HUNK: variants seen among roughly 807,000 people sequenced by gnomAD.
HUNK encodes hormonally up-regulated Neu-associated kinase.
In HUNK, 21 loss-of-function variants were observed where a neutral mutation model predicts 61.0. That is an observed-to-expected ratio of 0.34 (90% confidence interval 0.24 to 0.50). HUNK has a LOEUF of 0.50. HUNK is among the 20% of genes least tolerant of loss of function. HUNK has a pLI of 0.98. For missense variants in HUNK, 772 were observed against 945.7 expected (o/e 0.82, Z 2.41); for synonymous variants, 371 against 386.1 (o/e 0.96, Z 0.46).
chr21:31,911,339 C>T (rs936191699), intron 1 of HUNK, among the ~76,000 whole-genome samples: 2 of 152,114 alleles, frequency 1.3e-5, no homozygotes, highest in African/African-American at 4.8e-5. Context: ...GGGTTGTGAG[C>T]TCCAGATGAT....
In HUNK at chr21:31,959,042, A is replaced by G. The variant is rs1247499582; in HGVS notation, c.874+72A>G. 11 of 1,395,334 alleles carry G rather than the reference A, an allele frequency of 7.9e-6. No homozygotes were observed. In the African/African-American group the frequency reaches 1.0e-4, roughly 13 times the overall value. 86.4% of individuals were successfully genotyped at this position (1,395,334 alleles called of 1,614,324 possible). On this transcript the variant is annotated intron_variant, in intron 5 of 10. Coordinates refer to ENST00000270112, the MANE Select transcript of HUNK (RefSeq NM_014586.2). ...ACCAGTTCGGGTCTACCTGTGAAAC[A>G]GTATTTGTTTTGCAGTAATGGTGTT...
At chr21:31,937,968 T>TC (rs1460482877) in intron 2 of HUNK, among the ~76,000 whole-genome samples, 3 of 152,194 alleles carry the variant, frequency 2.0e-5, no homozygotes, top group Non-Finnish European at 2.9e-5. Flanking sequence ...TAATTCTTCT[T>TC]CCCATTGGTG....
intron 1 of HUNK, among the ~76,000 whole-genome samples, chr21:31,908,562 A>G (rs1479156311): frequency 2.0e-5 from 3 of 152,074 alleles, no homozygotes; most frequent in Non-Finnish European, 4.4e-5. Context: ...ACGGTTGTGA[A>G]TGTGTGACTT....
At chr21:31,954,199 TC>T (rs2052871913) in intron 4 of HUNK, among the ~76,000 whole-genome samples, 1 of 152,130 alleles carries the variant, frequency 6.6e-6, no homozygotes, top group Non-Finnish European at 1.5e-5. Flanking sequence ...ATGTCCTACT[TC>T]CTAGAGGCAT....
chr21:31,964,743 G>A (rs998296256), intron 5 of HUNK, among the ~76,000 whole-genome samples: 1 of 152,220 alleles, frequency 6.6e-6, no homozygotes, highest in Non-Finnish European at 1.5e-5. Context: ...ACGTCCAAAG[G>A]AAGAAAATTC....
intron 7 of HUNK, among the ~76,000 whole-genome samples, chr21:31,975,304 C>T (rs2053041000): frequency 6.6e-6 from 1 of 152,198 alleles, no homozygotes; most frequent in African/African-American, 2.4e-5. Context: ...GGGACCCTGA[C>T]ACCCTGTCCC....
intron 1 of HUNK, among the ~76,000 whole-genome samples, chr21:31,891,214 T>G (rs2052385507): frequency 6.6e-6 from 1 of 152,180 alleles, no homozygotes; most frequent in African/African-American, 2.4e-5. Context: ...CTGTCTCTAC[T>G]AAAAATACAA....
At chr21:31,886,422 T>TAAA (rs1568916472) in intron 1 of HUNK, among the ~76,000 whole-genome samples, 1 of 75,624 alleles carries the variant, frequency 1.3e-5, no homozygotes. Flanking sequence ...TGAGACTGTC[T>TAAA]CAAAAAAAAA....
chr21:31,977,180 C>T (rs2053056346), intron 7 of HUNK, among the ~76,000 whole-genome samples: 1 of 152,180 alleles, frequency 6.6e-6, no homozygotes, highest in Admixed American at 6.5e-5. Context: ...TACAATGTTA[C>T]ATGCTTATAA....
intron 6 of HUNK, among the ~76,000 whole-genome samples, chr21:31,969,084 C>T (rs1285201930): frequency 6.6e-6 from 1 of 151,856 alleles, no homozygotes; most frequent in African/African-American, 2.4e-5. Context: ...CACCTCTTGC[C>T]CAGGCTGGTC....
At position 31,998,807 on chromosome 21, in the gene HUNK, G is replaced by A; in HGVS notation, c.1768G>A (p.Ala590Thr). ...GATTCTGAACTCCCCGGTCAGCTTGGCTCGCAGAAATTCCAGCGAGAGGAC... is the reference window on the plus strand; with the variant it reads ...GATTCTGAACTCCCCGGTCAGCTTGACTCGCAGAAATTCCAGCGAGAGGAC... The part of the protein sequence containing the change: ...YRILNSPVSL[A>T]RRNSSERTLS... The change falls in exon 11 of 11, where the codon GCT (alanine) becomes ACT (threonine). Residue 590 changes from alanine (A) to threonine (T), a missense_variant. Transcript: ENST00000270112. The A allele has an allele frequency of 6.2e-7, 1 of 1,614,176 alleles. No individual in the cohort carries two copies. Among genetic ancestry groups the A allele is most frequent in the Non-Finnish European group, 8.5e-7 (1 of 1,180,044 alleles).
At chr21:31,995,092 G>A (rs569296495) in intron 9 of HUNK, among the ~76,000 whole-genome samples, 2 of 149,148 alleles carry the variant, frequency 1.3e-5, no homozygotes, top group South Asian at 2.1e-4. Flanking sequence ...CCAGGAGCTC[G>A]AGGTTGCAGT....
intron 1 of HUNK, among the ~76,000 whole-genome samples, chr21:31,875,992 T>G (rs1891965772): frequency 6.6e-6 from 1 of 152,174 alleles, no homozygotes; most frequent in African/African-American, 2.4e-5. Context: ...GTTCTGGAGC[T>G]CTGTGCTGGG....
intron 2 of HUNK, among the ~76,000 whole-genome samples, chr21:31,929,245 T>C (rs2052681027): frequency 1.3e-5 from 2 of 149,574 alleles, no homozygotes; most frequent in African/African-American, 4.9e-5. Flanking sequence ...CAAGTAGGTT[T>C]TGTTTTTTTT....
chr21:31,910,571 C>G (rs2052539287), intron 1 of HUNK, among the ~76,000 whole-genome samples: 1 of 151,792 alleles, frequency 6.6e-6, no homozygotes, highest in African/African-American at 2.4e-5. Context: ...TCACCGCAAC[C>G]TCTGCCTCCC....
chr21:31,881,367 G>A (rs1031137415), intron 1 of HUNK, among the ~76,000 whole-genome samples: 17 of 152,084 alleles, frequency 1.1e-4, no homozygotes, highest in African/African-American at 3.6e-4. Flanking sequence ...TGGCTCACGC[G>A]TGTAATCCCA....
intron 1 of HUNK, among the ~76,000 whole-genome samples, chr21:31,900,141 C>T (rs529072370): frequency 2.6e-3 from 398 of 152,200 alleles, no homozygotes; most frequent in Middle Eastern, 0.014. Context: ...AATCCTCGTT[C>T]ATTCTCCCCA....
At chr21:31,923,576 AGGG>A (rs1184667198) in intron 1 of HUNK, among the ~76,000 whole-genome samples, 2 of 53,126 alleles carry the variant, frequency 3.8e-5, no homozygotes, top group Non-Finnish European at 6.4e-5. Context: ...GAAGGAAGCG[AGGG>A]AGGGAGGGAG....
At chr21:31,986,049 G>C (rs544260633) in intron 8 of HUNK, among the ~76,000 whole-genome samples, 5 of 152,132 alleles carry the variant, frequency 3.3e-5, no homozygotes, top group Non-Finnish European at 7.4e-5. Context: ...CCCAGGTGTG[G>C]CTTTCAGGCT....
Sources: gnomAD v4.1 joint callset for allele counts (sites outside exome capture counted in the v4.1 genomes callset) on GRCh38, gnomAD v4.1.1 for gene constraint, MANE v1.5 for transcripts, NCBI Gene and HGNC (gene_info 2026-07-23, HGNC 2026-07-21) for gene names.